The following CDKAL1 variants were observed in gnomAD, a reference collection of about 807,000 sequenced individuals.
The protein encoded by CDKAL1 is CDKAL1 threonylcarbamoyladenosine tRNA methylthiotransferase, also known as threonylcarbamoyladenosine tRNA methylthiotransferase.
In CDKAL1, 32 loss-of-function variants were observed where a neutral mutation model predicts 68.2. The ratio of observed to expected loss-of-function variants is 0.47; its 90% CI spans 0.35 to 0.63. CDKAL1 has a LOEUF of 0.63. CDKAL1 is among the 30% of genes least tolerant of loss of function. The pLI is 0.00. For synonymous variants in CDKAL1, 234 were observed against 244.3 expected, an observed-to-expected ratio of 0.96 and a Z score of 0.39; for missense variants, 606 against 696.7, an observed-to-expected ratio of 0.87 and a Z score of 1.47.
At chr6:21,077,899 CA>C (rs1343240188) in intron 12 of CDKAL1, among the ~76,000 whole-genome samples, 1 of 152,054 alleles carries the variant, frequency 6.6e-6, no homozygotes, top group Non-Finnish European at 1.5e-5. Flanking sequence ...AATGTAATCA[CA>C]AGGATCCTCA....
intron 8 of CDKAL1, among the ~76,000 whole-genome samples, chr6:20,786,313 G>C (rs1237096201): frequency 1.3e-5 from 2 of 152,086 alleles, no homozygotes; most frequent in African/African-American, 2.4e-5. Context: ...ATAAATTTTG[G>C]ATGGGCACAG....
chr6:21,212,694 AAT>A (rs1779197650), intron 15 of CDKAL1, among the ~76,000 whole-genome samples: 1 of 152,152 alleles, frequency 6.6e-6, no homozygotes, highest in South Asian at 2.1e-4. Context: ...TAATGTTTAA[AAT>A]TTTTTTCATT....
At chr6:21,181,056 A>G (rs1286363620) in intron 13 of CDKAL1, among the ~76,000 whole-genome samples, 2 of 152,346 alleles carry the variant, frequency 1.3e-5, no homozygotes, top group East Asian at 1.9e-4. Flanking sequence ...ACAGAGACAG[A>G]CACAGACAGA....
intron 5 of CDKAL1, among the ~76,000 whole-genome samples, chr6:20,738,635 A>G (rs1214745120): frequency 6.6e-6 from 1 of 151,930 alleles, no homozygotes; most frequent in Non-Finnish European, 1.5e-5. Context: ...AGTAGCTAGG[A>G]CTACAGACAC....
intron 6 of CDKAL1, among the ~76,000 whole-genome samples, chr6:20,745,048 G>A (rs1428693920): frequency 6.6e-6 from 1 of 152,202 alleles, no homozygotes; most frequent in African/African-American, 2.4e-5. Context: ...TGCCAGCTGT[G>A]AGCCCTGCAG....
At chr6:20,742,692 AT>A (rs746746380) in intron 6 of CDKAL1, among the ~76,000 whole-genome samples, 39 of 151,996 alleles carry the variant, frequency 2.6e-4, no homozygotes, top group Non-Finnish European at 5.2e-4. Flanking sequence ...AATTTTTTAA[AT>A]TTGAAATTAG....
intron 4 of CDKAL1, among the ~76,000 whole-genome samples, chr6:20,617,315 A>G (rs1390305949): frequency 6.6e-6 from 1 of 152,214 alleles, no homozygotes; most frequent in Non-Finnish European, 1.5e-5. Flanking sequence ...GTCTGTGTGT[A>G]GGCCCTATGA....
At chr6:21,112,495 C>G (rs1774173689) in intron 13 of CDKAL1, among the ~76,000 whole-genome samples, 2 of 152,132 alleles carry the variant, frequency 1.3e-5, no homozygotes, top group Admixed American at 1.3e-4. Flanking sequence ...TTCTTGCTTT[C>G]TTTTAGTGGC....
chr6:20,888,550 GTGT>G (rs1761212052), intron 9 of CDKAL1, among the ~76,000 whole-genome samples: 2 of 115,436 alleles, frequency 1.7e-5, no homozygotes, highest in Non-Finnish European at 3.3e-5. Context: ...TCCCCGGTGT[GTGT>G]TGTTCCCCTT....
At chr6:21,002,128 C>G (rs1767459196) in intron 11 of CDKAL1, among the ~76,000 whole-genome samples, 1 of 152,176 alleles carries the variant, frequency 6.6e-6, no homozygotes, top group African/African-American at 2.4e-5. Context: ...TTGGACAGTT[C>G]CAACAGCCTC....
chr6:21,013,244 T>A (rs1357261108), intron 11 of CDKAL1, among the ~76,000 whole-genome samples: 1 of 152,154 alleles, frequency 6.6e-6, no homozygotes, highest in East Asian at 1.9e-4. Context: ...CAAATTTAAT[T>A]CTAATTCACA....
chr6:21,190,651 G>A (rs1778197821), intron 13 of CDKAL1, among the ~76,000 whole-genome samples: 1 of 152,298 alleles, frequency 6.6e-6, no homozygotes, highest in African/African-American at 2.4e-5. Flanking sequence ...ACAGGCGTGA[G>A]CCGCTGCGCC....
intron 10 of CDKAL1, among the ~76,000 whole-genome samples, chr6:20,966,491 C>T (rs947946728): frequency 1.3e-5 from 2 of 152,126 alleles, no homozygotes; most frequent in African/African-American, 4.8e-5. Context: ...CTTTTAGGAT[C>T]AGAGGATGCT....
In CDKAL1 at chr6:21,065,193, C is replaced by T. The variant is rs770105916; in HGVS notation, c.1201C>T (p.Pro401Ser). The T allele has an allele frequency of 9.6e-5, 155 of 1,608,762 alleles. No homozygotes were observed. Among genetic ancestry groups the T allele is most frequent in the Non-Finnish European group, 1.3e-4 (149 of 1,178,518 alleles). ...CCAATTTTACCCAAGACCAGGAACT[C>T]CTGCTGCAAAAATGGAACAAGTTCC... ...INQFYPRPGT[P>S]AAKMEQVPAQ... Residue 401 changes from proline to serine, a missense_variant, in exon 12 of 16, where the codon CCT (proline) becomes TCT (serine). Pro to Ser is a moderately conservative substitution (Grantham distance 74, BLOSUM62 -1). Transcript: ENST00000274695.
At chr6:20,595,903 T>C (rs139644882) in intron 4 of CDKAL1, among the ~76,000 whole-genome samples, 2 of 152,312 alleles carry the variant, frequency 1.3e-5, no homozygotes, top group East Asian at 1.9e-4. Flanking sequence ...TTTCTGTTTG[T>C]TAATTTTCCT....
intron 13 of CDKAL1, among the ~76,000 whole-genome samples, chr6:21,132,574 T>C (rs753073576): frequency 1.4e-4 from 22 of 152,204 alleles, no homozygotes; most frequent in Admixed American, 1.2e-3. Flanking sequence ...TTCCAAATTA[T>C]CTCACATGCC....
At chr6:21,116,439 C>G (rs756318696) in intron 13 of CDKAL1, among the ~76,000 whole-genome samples, 4 of 152,168 alleles carry the variant, frequency 2.6e-5, no homozygotes, top group African/African-American at 4.8e-5. Context: ...ATGCACATAA[C>G]TCATTTATCT....
chr6:20,769,572 A>G lies in CDKAL1; in HGVS notation c.517+10929A>G, dbSNP rs1261224350. On this transcript the variant is annotated intron_variant, in intron 7 of 15. Transcript: ENST00000274695. ...ACACCGGCCTTGATCATCATTATCAATGCAATTATTTGTGACGTACTTCCT... is the reference window on the plus strand; with the variant it reads ...ACACCGGCCTTGATCATCATTATCAGTGCAATTATTTGTGACGTACTTCCT... Among the ~76,000 whole-genome samples the G allele has an allele frequency of 3.3e-5, 5 of 152,100 alleles. No individual in the cohort carries two copies. In the East Asian group the frequency reaches 9.6e-4, roughly 29 times the overall value.
In CDKAL1 at chr6:20,568,746, A is replaced by AC. The variant is rs1311337309; in HGVS notation, c.286+20041_286+20042insC. ...CGAGACTCCGCCTCAAAAAAAAAAA[A>AC]AAAACAAAAAAACAAAAAAACAAAG... On this transcript the variant is annotated intron_variant, in intron 4 of 15. Coordinates refer to ENST00000274695, the MANE Select transcript of CDKAL1 (RefSeq NM_017774.3). Among the ~76,000 whole-genome samples, 537 of 80,388 alleles carry AC rather than the reference A, an allele frequency of 6.7e-3. 19 individuals are homozygous for AC. The highest frequency in any genetic ancestry group is 0.031 in the African/African-American group (519 of 16,978). The allele number at this position is 80,388 out of a possible 152,430, so 52.7% of individuals were successfully genotyped here. A position where few individuals can be genotyped will look rare whatever the true frequency, so the allele number is the denominator to read the frequency against.
Sources: gnomAD v4.1 joint callset for allele counts (sites outside exome capture counted in the v4.1 genomes callset) on GRCh38, gnomAD v4.1.1 for gene constraint, MANE v1.5 for transcripts, NCBI Gene and HGNC (gene_info 2026-07-23, HGNC 2026-07-21) for gene names.